The following EP400 variants were observed in gnomAD, a reference collection of about 807,000 sequenced individuals.
The protein encoded by EP400 is E1A binding protein p400.
A neutral mutation model predicts 354.1 loss-of-function variants in EP400; 105 were observed. The ratio of observed to expected loss-of-function variants is 0.30; its 90% CI spans 0.25 to 0.35. EP400 has a LOEUF of 0.35. Among genes scored for constraint, EP400 ranks in the 10% least tolerant of loss-of-function variants. The pLI, the probability that EP400 is intolerant of heterozygous loss-of-function variation, is 1.00. For synonymous variants in EP400, 1,646 were observed against 1,716.9 expected, an observed-to-expected ratio of 0.96 and a Z score of 1.02; for missense variants, 3,280 against 4,121.0, an observed-to-expected ratio of 0.80 and a Z score of 5.59.
At chr12:132,011,447 C>T in intron 15 of EP400, 51 bp from the exon 16 acceptor site, 1 of 1,605,506 alleles carries the variant, frequency 6.2e-7, no homozygotes, top group Non-Finnish European at 8.5e-7. Flanking sequence ...TGCTAGGTGC[C>T]TGGACATGAC....
In EP400 at chr12:132,044,396, G is replaced by A. The variant is rs1206009115; in HGVS notation, c.6585+85G>A. 4 of 1,507,782 alleles carry A rather than the reference G, an allele frequency of 2.7e-6. No individual in the cohort carries two copies. The Admixed American group carries it at 8.8e-5, about 33-fold the overall frequency. The allele number at this position is 1,507,782 out of a possible 1,614,324, so 93.4% of individuals were successfully genotyped here. On this transcript the variant is annotated intron_variant, in intron 35 of 52. Transcript: ENST00000389561. ...CATGTTTGGCTTGTTCAAAGTCTGT[G>A]TACATTGACATGAGAAAATGCCTAG...
intron 23 of EP400, among the ~76,000 whole-genome samples, chr12:132,023,299 A>ATTT (rs767816284): frequency 0.01 from 743 of 70,970 alleles, 71 homozygotes; most frequent in African/African-American, 0.024. Flanking sequence ...TGCCCAGCTA[A>ATTT]TTTTTTTTTT....
At position 131,958,860 on chromosome 12, in the gene EP400, G is replaced by A. The variant is rs189384401; in HGVS notation, c.-35-1725G>A. Among the ~76,000 whole-genome samples the A allele has an allele frequency of 3.3e-5, 5 of 152,284 alleles. No homozygotes were observed. The East Asian group carries it at 5.8e-4, about 18-fold the overall frequency. Reference sequence around the variant, plus strand: ...GTAGATTCATGGTTTTTAAAAATCCGTTGTCCATTTTCTCACAGAGATAAG... The same window carrying A: ...GTAGATTCATGGTTTTTAAAAATCCATTGTCCATTTTCTCACAGAGATAAG... On this transcript the variant is annotated intron_variant, in intron 1 of 52. Transcript: ENST00000389561.
chr12:132,049,179 G>A (rs1398922942), intron 39 of EP400, among the ~76,000 whole-genome samples: 1 of 152,224 alleles, frequency 6.6e-6, no homozygotes, highest in African/African-American at 2.4e-5. Flanking sequence ...AAGCCATGCG[G>A]GGCGGGGCAT....
intron 12 of EP400, among the ~76,000 whole-genome samples, chr12:132,003,499 T>G (rs1893486111): frequency 6.6e-6 from 1 of 152,208 alleles, no homozygotes. Context: ...ATTTTCTGTC[T>G]AAACAGGTTT....
intron 39 of EP400, 63 bp downstream of exon 39, chr12:132,045,963 A>G (rs1895082722): frequency 6.3e-7 from 1 of 1,575,214 alleles, no homozygotes; most frequent in African/African-American, 1.3e-5. Flanking sequence ...CGTGGCCTGC[A>G]GTTTCAGCTC....
chr12:132,006,399 T>C, intron 14 of EP400, 97 bp downstream of exon 14: 2 of 1,395,540 alleles, frequency 1.4e-6, no homozygotes, highest in Non-Finnish European at 1.9e-6. Context: ...AGTGAAATGG[T>C]CTATCCCAAC....
At chr12:132,033,250 T>G (rs563806886) in intron 30 of EP400, among the ~76,000 whole-genome samples, 1 of 152,166 alleles carries the variant, frequency 6.6e-6, no homozygotes, top group Non-Finnish European at 1.5e-5. Context: ...GCCTGGCCTA[T>G]TATTATCTGT....
Position 132,029,973 on chromosome 12 carries a change from G to T in EP400, c.5585-16G>T. Reference sequence around the variant, plus strand: ...CCCTGGATGATGAGGCGCTCTTGATGTGATTCGTTTCCCAGGGAAGTTGGA... The same window carrying T: ...CCCTGGATGATGAGGCGCTCTTGATTTGATTCGTTTCCCAGGGAAGTTGGA... On this transcript the variant is annotated splice_polypyrimidine_tract_variant and intron_variant, in intron 28 of 52. Coordinates refer to ENST00000389561, the MANE Select transcript of EP400 (RefSeq NM_015409.5). The surrounding 1 kb of genome is among the most constrained non-coding windows in gnomAD (Gnocchi z 4.7). 6.2e-7 allele frequency: 1 copy of T among 1,613,680 alleles called. No homozygotes were observed. The highest frequency in any genetic ancestry group is 8.5e-7 in the Non-Finnish European group (1 of 1,179,998).
chr12:131,982,960 A>T (rs1593324618), intron 5 of EP400, among the ~76,000 whole-genome samples: 1 of 134,038 alleles, frequency 7.5e-6, no homozygotes, highest in African/African-American at 3.6e-5. Context: ...ACAGAGTGAG[A>T]CTCTGTCTCA....
intron 12 of EP400, among the ~76,000 whole-genome samples, chr12:131,996,580 C>T (rs562302960): frequency 1.3e-5 from 2 of 152,190 alleles, no homozygotes; most frequent in Non-Finnish European, 2.9e-5. Flanking sequence ...CTTGAGCCAC[C>T]GCGCCCAGCC....
At chr12:131,978,659 C>A (rs1197259160) in intron 2 of EP400, among the ~76,000 whole-genome samples, 1 of 151,952 alleles carries the variant, frequency 6.6e-6, no homozygotes, top group Non-Finnish European at 1.5e-5. Context: ...GCATGTGTCA[C>A]CATGCCTGGC....
At chr12:132,035,996 A>G (rs1353855651) in intron 30 of EP400, among the ~76,000 whole-genome samples, 18 of 126,064 alleles carry the variant, frequency 1.4e-4, no homozygotes, top group South Asian at 8.7e-4. Flanking sequence ...ACGGAACGTC[A>G]TGGAAGGGCA....
In EP400 at chr12:132,038,170, T is replaced by A; in HGVS notation, c.6207+74T>A. ...GGAACACCTGCACCCTCCCCCAGGG[T>A]TCTGGGTGCTCAGTCCCCACTCTTC... is the stretch of plus-strand genomic sequence containing the variant. On this transcript the variant is annotated intron_variant, in intron 32 of 52. Transcript: ENST00000389561. The surrounding 1 kb of genome is among the most constrained non-coding windows in gnomAD (Gnocchi z 4.2). 6.3e-7 allele frequency: 1 copy of A among 1,582,338 alleles called. No individual in the cohort carries two copies. The highest frequency in any genetic ancestry group is 1.2e-5 in the South Asian group (1 of 86,570).
rs558531053 is a variant in EP400 at position 132,032,865 on chromosome 12, G to A, written c.5951+716G>A. 1.1e-3 allele frequency among the ~76,000 whole-genome samples: 164 copies of A among 152,066 alleles called. No individual in the cohort carries two copies. In the Middle Eastern group the frequency reaches 0.014, roughly 13 times the overall value. On this transcript the variant is annotated intron_variant, in intron 30 of 52. Coordinates refer to ENST00000389561, the MANE Select transcript of EP400 (RefSeq NM_015409.5). ...AGGCCGGTCTCGAACTCCTGACCTC[G>A]TGATCCGCCCGCCGTGGCCTCCCAA... is the stretch of plus-strand genomic sequence containing the variant.
At chr12:132,030,224 G>A in intron 29 of EP400, 66 bp downstream of exon 29, 2 of 1,565,106 alleles carry the variant, frequency 1.3e-6, no homozygotes, top group Non-Finnish European at 1.7e-6. Flanking sequence ...CCTAAGTGCT[G>A]TGTAAATTCA....
chr12:132,063,697 C>G (rs547404364), intron 47 of EP400, among the ~76,000 whole-genome samples: 1 of 152,080 alleles, frequency 6.6e-6, no homozygotes, highest in African/African-American at 2.4e-5. Context: ...CTGCAGGAGA[C>G]GCACACTCAG....
At chr12:131,972,768 G>A (rs1228383114) in intron 2 of EP400, among the ~76,000 whole-genome samples, 2 of 114,728 alleles carry the variant, frequency 1.7e-5, no homozygotes, top group Admixed American at 1.3e-4. Flanking sequence ...GTCTCGCTCT[G>A]TTGTCCAGGC....
chr12:132,061,422 C>T (rs1311362376), intron 45 of EP400, among the ~76,000 whole-genome samples: 2 of 152,208 alleles, frequency 1.3e-5, no homozygotes, highest in Non-Finnish European at 2.9e-5. Context: ...ATAAAAGGAT[C>T]AAGAGAAACT....
Sources: gnomAD v4.1 joint callset for allele counts (sites outside exome capture counted in the v4.1 genomes callset) on GRCh38, gnomAD v4.1.1 for gene constraint, Gnocchi (gnomAD v3.1) non-coding constraint, MANE v1.5 for transcripts, NCBI Gene and HGNC (gene_info 2026-07-23, HGNC 2026-07-21) for gene names.